MYO5B: variants seen among roughly 807,000 people sequenced by gnomAD.
The protein encoded by MYO5B is unconventional myosin-Vb.
Under a neutral mutation model 229.3 loss-of-function variants are expected in MYO5B, and 143 were observed. The observed-to-expected ratio is 0.62, with a 90% CI of 0.54 to 0.72. The LOEUF is 0.72. MYO5B is among the 30% of genes least tolerant of loss of function. The probability of loss-of-function intolerance (pLI) is 0.00; values close to 1 mark genes in which losing one functional copy is unlikely to be tolerated. For synonymous variants in MYO5B, 918 were observed against 885.2 expected (o/e 1.04, Z -0.66); for missense variants, 2,321 against 2,331.0 (o/e 1.00, Z 0.09).
Position 49,837,828 on chromosome 18 carries a change from G to A in MYO5B, c.4853-26C>T, listed in dbSNP as rs763684528. 1.9e-6 allele frequency: 3 copies of A among 1,613,000 alleles called. No homozygotes were observed. In the African/African-American group the frequency reaches 4.0e-5, roughly 22 times the overall value. Reference sequence around the variant, plus strand: ...CTGAAATAAAAGCACAGTTAGAGAAGCTTGCATTCCCCACTAACAATGCAA... The same window carrying A: ...CTGAAATAAAAGCACAGTTAGAGAAACTTGCATTCCCCACTAACAATGCAA... On this transcript the variant is annotated intron_variant, in intron 36 of 39. Transcript: ENST00000285039.
chr18:50,047,640 C>T (rs2030268893), intron 2 of MYO5B, among the ~76,000 whole-genome samples: 2 of 152,026 alleles, frequency 1.3e-5, no homozygotes, highest in African/African-American at 2.4e-5. Flanking sequence ...CACATGCACA[C>T]GTATGTTTAT....
chr18:49,836,254 T>C (rs1384390318), intron 38 of MYO5B, among the ~76,000 whole-genome samples: 2 of 152,202 alleles, frequency 1.3e-5, no homozygotes, highest in Non-Finnish European at 1.5e-5. Context: ...TTTAAAACAA[T>C]ATAAATGAGT....
intron 21 of MYO5B, among the ~76,000 whole-genome samples, chr18:49,895,525 G>C (rs1190535628): frequency 6.6e-6 from 1 of 151,748 alleles, no homozygotes; most frequent in Non-Finnish European, 1.5e-5. Flanking sequence ...TGGCTCTCTG[G>C]GTTTGCAGCC....
intron 14 of MYO5B, among the ~76,000 whole-genome samples, chr18:49,945,024 G>A (rs766359557): frequency 2.0e-5 from 3 of 152,162 alleles, no homozygotes; most frequent in Admixed American, 6.5e-5. Context: ...ACTGGCCCAC[G>A]CCTCCTTGTA....
Position 49,906,514 on chromosome 18 carries a change from T to C in MYO5B, c.2319A>G (p.Lys773=), listed in dbSNP as rs1205006827. Residue 773 remains lysine (K), a synonymous_variant, in exon 19 of 40, where the codon AAA becomes AAG. Coordinates refer to ENST00000285039, the MANE Select transcript of MYO5B (RefSeq NM_001080467.3). ...KFRTATIMIQ[K]TVRGWLQKVK... ...CCTTCTGCAGCCATCCCCGGACAGT[T>C]TTCTGGATCATGATGGTGGCTGTCC... The C allele has an allele frequency of 1.2e-6, 2 of 1,614,092 alleles. No individual in the cohort carries two copies. Among genetic ancestry groups the C allele is most frequent in the South Asian group, 1.1e-5 (1 of 91,076 alleles).
chr18:50,150,836 T>TA (rs1309865210), intron 1 of MYO5B, among the ~76,000 whole-genome samples: 17 of 149,764 alleles, frequency 1.1e-4, no homozygotes, highest in East Asian at 9.8e-4. Context: ...AGTATAATAA[T>TA]AAAAAAAAAG....
At chr18:49,890,125 C>T (rs2024692126) in intron 22 of MYO5B, among the ~76,000 whole-genome samples, 2 of 152,178 alleles carry the variant, frequency 1.3e-5, no homozygotes, top group African/African-American at 4.8e-5. Context: ...TGAGAGAATG[C>T]TTCCTTGATC....
At chr18:49,845,431 C>T (rs776254810) in intron 33 of MYO5B, among the ~76,000 whole-genome samples, 2 of 152,214 alleles carry the variant, frequency 1.3e-5, no homozygotes, top group East Asian at 1.9e-4. Flanking sequence ...TCAGCAGAGT[C>T]GGACTTCAGT....
intron 12 of MYO5B, among the ~76,000 whole-genome samples, chr18:49,957,936 C>A (rs565166361): frequency 6.6e-6 from 1 of 152,156 alleles, no homozygotes; most frequent in Non-Finnish European, 1.5e-5. Flanking sequence ...GCTGGCCCCC[C>A]CCAGGACTCT....
At chr18:49,871,072 G>T (rs1344910112) in intron 27 of MYO5B, among the ~76,000 whole-genome samples, 1 of 152,222 alleles carries the variant, frequency 6.6e-6, no homozygotes, top group African/African-American at 2.4e-5. Flanking sequence ...TAAGCAAAGT[G>T]TGATCCCTAT....
At chr18:49,839,931 T>A (rs1321136645) in intron 35 of MYO5B, 2 of 156,160 alleles carry the variant, frequency 1.3e-5, no homozygotes, top group African/African-American at 2.4e-5. Flanking sequence ...CCAAAAAGAT[T>A]AGTGCTCCCA....
intron 21 of MYO5B, among the ~76,000 whole-genome samples, chr18:49,896,567 C>T (rs148435707): frequency 2.0e-5 from 3 of 152,070 alleles, no homozygotes; most frequent in Non-Finnish European, 4.4e-5. Context: ...CAGCTGCTCT[C>T]TCTAGATGGC....
At chr18:50,184,641 T>G (rs1210294588) in intron 1 of MYO5B, among the ~76,000 whole-genome samples, 1 of 152,168 alleles carries the variant, frequency 6.6e-6, no homozygotes. Flanking sequence ...TCAAAATACA[T>G]AAGCTCAGAA....
chr18:49,963,415 A>AATTAATTAATTT (rs1555647597), intron 10 of MYO5B, among the ~76,000 whole-genome samples: 1 of 147,926 alleles, frequency 6.8e-6, no homozygotes, highest in African/African-American at 2.6e-5. Flanking sequence ...TTAATTAATT[A>AATTAATTAATTT]ATTTATTTAT....
intron 23 of MYO5B, 127 bp downstream of exon 23, chr18:49,880,244 T>C: frequency 1.2e-6 from 1 of 848,424 alleles, no homozygotes; most frequent in Non-Finnish European, 2.0e-6. Flanking sequence ...CTTCATCTTC[T>C]TCTATTAAAA....
chr18:50,186,993 A>C (rs921144343), intron 1 of MYO5B, among the ~76,000 whole-genome samples: 3 of 152,142 alleles, frequency 2.0e-5, no homozygotes, highest in Non-Finnish European at 4.4e-5. Context: ...ATTTGCAAGA[A>C]CCCCAGATCC....
intron 1 of MYO5B, among the ~76,000 whole-genome samples, chr18:50,109,826 C>T (rs1402205625): frequency 6.6e-6 from 1 of 152,188 alleles, no homozygotes; most frequent in African/African-American, 2.4e-5. Context: ...TCAGTATCCA[C>T]CGCCCTCCAT....
At chr18:49,933,499 T>C (rs2025216952) in intron 16 of MYO5B, among the ~76,000 whole-genome samples, 1 of 152,214 alleles carries the variant, frequency 6.6e-6, no homozygotes, top group Admixed American at 6.5e-5. Flanking sequence ...AAAAAGCCTT[T>C]TGTATAGGTC....
intron 14 of MYO5B, among the ~76,000 whole-genome samples, chr18:49,939,139 C>CTTTTTTTCTTTTTT (rs1568038863): frequency 1.5e-5 from 2 of 130,578 alleles, no homozygotes; most frequent in Non-Finnish European, 3.2e-5. Context: ...AACACTCTTT[C>CTTTTTTTCTTTTTT]TTTTTTTTCT....
Sources: allele counts gnomAD v4.1 joint callset (sites outside exome capture counted in the v4.1 genomes callset), GRCh38; gene constraint gnomAD v4.1.1; transcripts MANE v1.5; gene names NCBI Gene and HGNC (gene_info 2026-07-23, HGNC 2026-07-21).